Variants in SHISA6 observed in about 807,000 individuals in gnomAD.
The protein encoded by SHISA6 is protein shisa-6.
SHISA6 carries 22 observed loss-of-function variants against 47.9 expected under a neutral mutation model. That is an observed-to-expected ratio of 0.46 (90% CI 0.33 to 0.66). The LOEUF (loss-of-function observed/expected upper bound fraction) is 0.66, where lower values mean the gene tolerates loss of function less well. SHISA6 is among the 30% of genes least tolerant of loss of function. SHISA6 has a pLI of 0.02. For synonymous variants in SHISA6, 388 were observed against 337.8 expected, an observed-to-expected ratio of 1.15 and a Z score of -1.63; for missense variants, 680 against 764.6, an observed-to-expected ratio of 0.89 and a Z score of 1.30.
intron 1 of SHISA6, among the ~76,000 whole-genome samples, chr17:11,250,083 C>T (rs1907744609): frequency 6.6e-6 from 1 of 152,224 alleles, no homozygotes; most frequent in South Asian, 2.1e-4. Flanking sequence ...GTTGAGTCTG[C>T]AGCAAGCATT....
chr17:11,263,302 A>G (rs527737470), intron 1 of SHISA6, 64 bp from the exon 2 acceptor site: 17 of 1,512,822 alleles, frequency 1.1e-5, no homozygotes, highest in Middle Eastern at 3.4e-4. Context: ...AAGTAAGCCA[A>G]CTCCCCTCAT....
chr17:11,254,245 TTGA>T (rs1369737252), intron 1 of SHISA6, among the ~76,000 whole-genome samples: 4 of 152,176 alleles, frequency 2.6e-5, no homozygotes, highest in East Asian at 3.9e-4. Flanking sequence ...ACTTTCTGTC[TTGA>T]TGACCTTGGG....
intron 1 of SHISA6, among the ~76,000 whole-genome samples, chr17:11,255,518 C>G (rs1196688709): frequency 6.6e-6 from 1 of 152,228 alleles, no homozygotes; most frequent in Admixed American, 6.5e-5. Context: ...AGCGGGGCTT[C>G]ATCTGGATAC....
chr17:11,481,794 G>A (rs1177784352), intron 3 of SHISA6, among the ~76,000 whole-genome samples: 1 of 151,770 alleles, frequency 6.6e-6, no homozygotes, highest in Non-Finnish European at 1.5e-5. Context: ...CCTGGCCCCT[G>A]AAGATATATT....
At chr17:11,369,780 C>A (rs945602743) in intron 2 of SHISA6, among the ~76,000 whole-genome samples, 2 of 152,130 alleles carry the variant, frequency 1.3e-5, no homozygotes, top group African/African-American at 4.8e-5. Context: ...CAGTCAGAGA[C>A]AAGAATTTGG....
intron 3 of SHISA6, among the ~76,000 whole-genome samples, chr17:11,394,100 C>T (rs1035421681): frequency 1.3e-5 from 2 of 152,156 alleles, no homozygotes; most frequent in Non-Finnish European, 2.9e-5. Context: ...GTCTTTGCCC[C>T]TGTGTGAGCA....
At chr17:11,307,372 C>T (rs960289617) in intron 2 of SHISA6, among the ~76,000 whole-genome samples, 1 of 152,210 alleles carries the variant, frequency 6.6e-6, no homozygotes, top group South Asian at 2.1e-4. Flanking sequence ...CCATATTGTT[C>T]GCCTGCCTTC....
chr17:11,440,188 C>T (rs1915058316), intron 3 of SHISA6, among the ~76,000 whole-genome samples: 1 of 152,180 alleles, frequency 6.6e-6, no homozygotes, highest in South Asian at 2.1e-4. Flanking sequence ...TATTTCCTGT[C>T]TGTTAGAGGC....
intron 2 of SHISA6, among the ~76,000 whole-genome samples, chr17:11,323,511 G>A (rs762615819): frequency 5.9e-5 from 9 of 151,932 alleles, no homozygotes; most frequent in East Asian, 1.9e-4. Context: ...AAAATTAACC[G>A]GACGTGGTGG....
chr17:11,251,434 A>C (rs1907801162), intron 1 of SHISA6, among the ~76,000 whole-genome samples: 1 of 152,110 alleles, frequency 6.6e-6, no homozygotes, highest in African/African-American at 2.4e-5. Flanking sequence ...AAAAAAAAAA[A>C]ACTTGACAAT....
rs145312050 is a variant in SHISA6, at chr17:11,529,822, T to C, written c.896-22074T>C. Among the ~76,000 whole-genome samples the C allele has an allele frequency of 3.9e-3, 599 of 152,200 alleles. 9 individuals are homozygous for C. Among genetic ancestry groups the C allele is most frequent in the African/African-American group, 0.014 (572 of 41,526 alleles). ...TATAGGAGTCTCTAAGAAAAATTAATTACCCTAATAGGGGAAAAATGGGCA... is the reference window on the plus strand; with the variant it reads ...TATAGGAGTCTCTAAGAAAAATTAACTACCCTAATAGGGGAAAAATGGGCA... On this transcript the variant is annotated intron_variant, in intron 3 of 5. Coordinates refer to ENST00000441885, the MANE Select transcript of SHISA6 (RefSeq NM_207386.4).
chr17:11,374,456 TA>T (rs1192302303), intron 2 of SHISA6, among the ~76,000 whole-genome samples: 1 of 149,260 alleles, frequency 6.7e-6, no homozygotes, highest in Admixed American at 6.7e-5. Flanking sequence ...TGACAGTTTT[TA>T]GTGTGTGATT....
intron 3 of SHISA6, among the ~76,000 whole-genome samples, chr17:11,519,761 A>G (rs1365074949): frequency 6.6e-6 from 1 of 152,056 alleles, no homozygotes; most frequent in African/African-American, 2.4e-5. Context: ...CACCTCCCCC[A>G]CGCCAACAAG....
intron 3 of SHISA6, among the ~76,000 whole-genome samples, chr17:11,393,482 C>T (rs1913459417): frequency 6.6e-6 from 1 of 152,194 alleles, no homozygotes; most frequent in Non-Finnish European, 1.5e-5. Flanking sequence ...CCAGACTGAT[C>T]TAACTCATTC....
At chr17:11,436,554 T>G (rs1275411578) in intron 3 of SHISA6, among the ~76,000 whole-genome samples, 1 of 152,242 alleles carries the variant, frequency 6.6e-6, no homozygotes, top group East Asian at 1.9e-4. Flanking sequence ...CATCCCTTTA[T>G]TTCTTCTTGA....
chr17:11,538,291 G>A (rs2071804549), intron 3 of SHISA6, among the ~76,000 whole-genome samples: 1 of 152,110 alleles, frequency 6.6e-6, no homozygotes, highest in East Asian at 1.9e-4. Context: ...CTCAACTCCT[G>A]ACCTTGTGAT....
intron 2 of SHISA6, among the ~76,000 whole-genome samples, chr17:11,302,407 G>A (rs564767242): frequency 6.6e-6 from 1 of 152,316 alleles, no homozygotes; most frequent in South Asian, 2.1e-4. Context: ...CAGCCAGAAA[G>A]TGGCTGACCT....
chr17:11,276,794 G>A (rs1361964172), intron 2 of SHISA6, among the ~76,000 whole-genome samples: 1 of 152,090 alleles, frequency 6.6e-6, no homozygotes, highest in Admixed American at 6.6e-5. Flanking sequence ...TGAACCATGT[G>A]AGAACAAGTT....
chr17:11,520,486 G>A (rs1049537712), intron 3 of SHISA6, among the ~76,000 whole-genome samples: 5 of 152,154 alleles, frequency 3.3e-5, no homozygotes, highest in South Asian at 2.1e-4. Context: ...TTACTGGCCC[G>A]GGGTCTTGAA....
Sources: allele counts gnomAD v4.1 joint callset (sites outside exome capture counted in the v4.1 genomes callset), GRCh38; gene constraint gnomAD v4.1.1; transcripts MANE v1.5; gene names NCBI Gene and HGNC (gene_info 2026-07-23, HGNC 2026-07-21).